The following RNLS variants were observed in gnomAD, a reference collection of about 807,000 sequenced individuals.
The protein encoded by RNLS is renalase, FAD dependent amine oxidase.
Under a neutral mutation model 39.8 loss-of-function variants are expected in RNLS, and 39 were observed. The observed-to-expected ratio is 0.98, with a 90% CI of 0.76 to 1.28. The LOEUF (loss-of-function observed/expected upper bound fraction) is 1.28, where lower values mean the gene tolerates loss of function less well. Among genes scored for constraint, RNLS ranks in the 50% most tolerant of loss-of-function variants. The pLI is 0.00. For synonymous variants in RNLS, 147 were observed against 150.7 expected, an observed-to-expected ratio of 0.98 and a Z score of 0.18; for missense variants, 410 against 413.3, an observed-to-expected ratio of 0.99 and a Z score of 0.07.
the RNLS span, among the ~76,000 whole-genome samples, chr10:88,206,818 C>G: frequency 6.6e-6 from 1 of 151,854 alleles, no homozygotes; most frequent in African/African-American, 2.4e-5. Flanking sequence ...AAAAAGAAGG[C>G]CTTTTTTTTG....
chr10:88,229,886 A>G, the RNLS span, among the ~76,000 whole-genome samples: 1 of 152,052 alleles, frequency 6.6e-6, no homozygotes, highest in Non-Finnish European at 1.5e-5. Context: ...TTGTGTGGAT[A>G]TGCCACATTC....
chr10:88,382,245 A>C (rs1270225810), intron 4 of RNLS, among the ~76,000 whole-genome samples: 2 of 152,108 alleles, frequency 1.3e-5, no homozygotes, highest in African/African-American at 4.8e-5. Flanking sequence ...TTCAAATGAC[A>C]GGTACAGTGG....
At chr10:88,489,313 A>T (rs879695740) in intron 4 of RNLS, among the ~76,000 whole-genome samples, 3 of 152,152 alleles carry the variant, frequency 2.0e-5, no homozygotes, top group Non-Finnish European at 2.9e-5. Context: ...ATTGCTTCTG[A>T]GAGGACTGCT....
the RNLS span, among the ~76,000 whole-genome samples, chr10:88,232,582 T>C: frequency 1.3e-5 from 2 of 152,178 alleles, no homozygotes; most frequent in African/African-American, 4.8e-5. Flanking sequence ...CCCAGCTTCT[T>C]ACTTCCACTT....
chr10:88,173,806 T>C, the RNLS span, among the ~76,000 whole-genome samples: 1 of 152,118 alleles, frequency 6.6e-6, no homozygotes, highest in Non-Finnish European at 1.5e-5. Context: ...TAAAAAAAAA[T>C]TATGTCCATA....
intron 4 of RNLS, among the ~76,000 whole-genome samples, chr10:88,545,796 T>C (rs1468897145): frequency 6.6e-6 from 1 of 152,226 alleles, no homozygotes; most frequent in African/African-American, 2.4e-5. Flanking sequence ...GTTTCTGCCA[T>C]ATCTATGTAT....
intron 5 of RNLS, among the ~76,000 whole-genome samples, chr10:88,325,724 A>G (rs1024544613): frequency 1.3e-5 from 2 of 152,092 alleles, no homozygotes; most frequent in African/African-American, 4.8e-5. Context: ...ATTCTATCTC[A>G]ATTGTGTTGG....
At chr10:88,296,002 T>C (rs1036453004) in intron 6 of RNLS, among the ~76,000 whole-genome samples, 3 of 152,184 alleles carry the variant, frequency 2.0e-5, no homozygotes, top group Non-Finnish European at 4.4e-5. Context: ...TACATTATCC[T>C]TTAGAGTTTT....
At chr10:88,225,915 AT>A in the RNLS span, among the ~76,000 whole-genome samples, 50 of 150,454 alleles carry the variant, frequency 3.3e-4, no homozygotes, top group Non-Finnish European at 4.0e-4. Context: ...TCAGTGTCCT[AT>A]TTTTTTTTTC....
rs767711360 is a variant in RNLS at position 88,285,372 on chromosome 10, A to C, written c.1011T>G (p.Ala337=). 4.3e-6 allele frequency: 7 copies of C among 1,611,874 alleles called. No individual in the cohort carries two copies. The African/African-American group carries it at 9.4e-5, about 22-fold the overall frequency. The change falls in exon 7 of 7, where the codon GCT becomes GCG. Residue 337 remains alanine (A), a synonymous_variant. Coordinates refer to ENST00000331772, the MANE Select transcript of RNLS (RefSeq NM_001031709.3). ...CITSALCVLE[A]LKNYI is the part of the protein sequence containing the mutation. Reference sequence around the variant, plus strand: ...ATAGGCACTAAATATAATTCTTTAAAGCTTCCAGAACACATAGGGCAGAAG... The same window carrying C: ...ATAGGCACTAAATATAATTCTTTAACGCTTCCAGAACACATAGGGCAGAAG...
At chr10:88,227,892 C>G in the RNLS span, among the ~76,000 whole-genome samples, 1 of 152,156 alleles carries the variant, frequency 6.6e-6, no homozygotes, top group Admixed American at 6.6e-5. Flanking sequence ...ATTCCAAATT[C>G]CAGCCTCTGC....
At chr10:88,274,655 G>T in exon 7 of RNLS, 2 of 294,920 alleles carry the variant, frequency 6.8e-6, no homozygotes, top group Non-Finnish European at 1.3e-5. Flanking sequence ...GTGAACATTG[G>T]TGTACAAATG....
At chr10:88,428,017 G>A (rs1854902625) in intron 4 of RNLS, among the ~76,000 whole-genome samples, 1 of 151,818 alleles carries the variant, frequency 6.6e-6, no homozygotes, top group Non-Finnish European at 1.5e-5. Flanking sequence ...TTGTTATGAA[G>A]ACTGGACATA....
At chr10:88,469,872 C>G (rs1843420088) in intron 4 of RNLS, among the ~76,000 whole-genome samples, 1 of 149,502 alleles carries the variant, frequency 6.7e-6, no homozygotes, top group Non-Finnish European at 1.5e-5. Context: ...CTTTGCTCCA[C>G]TTTCTAAATT....
In RNLS at chr10:88,572,984, C is replaced by T. The variant is rs1284961029; in HGVS notation, c.445G>A (p.Gly149Ser). The T allele has an allele frequency of 6.2e-7, 1 of 1,613,938 alleles. No individual in the cohort carries two copies. The highest frequency in any genetic ancestry group is 8.5e-7 in the Non-Finnish European group (1 of 1,179,944). The part of the protein sequence containing the change: ...DDKWEVSKQT[G>S]SPEQFDLIVL... ...ATAAGATCAAACTGCTCAGGGGAGCCTGTTTGTTTGGATACTTCCCATTTG... is the reference window on the plus strand; with the variant it reads ...ATAAGATCAAACTGCTCAGGGGAGCTTGTTTGTTTGGATACTTCCCATTTG... Residue 149 changes from glycine (G) to serine (S), a missense_variant, in exon 4 of 7, where the codon GGC becomes AGC. By Grantham distance (56) the Gly-to-Ser change is moderately conservative. Transcript: ENST00000331772.
chr10:88,561,867 T>C (rs1411287758), intron 4 of RNLS, among the ~76,000 whole-genome samples: 7 of 152,112 alleles, frequency 4.6e-5, no homozygotes, highest in Non-Finnish European at 8.8e-5. Context: ...AAAGTAAGCA[T>C]AGGACATGAC....
At chr10:88,497,708 G>A (rs1845251256) in intron 4 of RNLS, among the ~76,000 whole-genome samples, 1 of 151,938 alleles carries the variant, frequency 6.6e-6, no homozygotes, top group Admixed American at 6.6e-5. Context: ...CTAGGACAAA[G>A]CAGAAATGTC....
In RNLS at chr10:88,583,116, G is replaced by C. The variant is rs753517749; in HGVS notation, c.75C>G (p.Ser25=). ...LCAALLRRQT[S]GPLYLAVWDK... Reference sequence around the variant, plus strand: ...CCCACACAGCAAGGTACAAGGGACCGGACGTCTGCCTCCTCAGCAGCGCAG... The same window carrying C: ...CCCACACAGCAAGGTACAAGGGACCCGACGTCTGCCTCCTCAGCAGCGCAG... Residue 25 remains serine, a synonymous_variant, in exon 1 of 7, where the codon TCC becomes TCG. Coordinates refer to ENST00000331772, the MANE Select transcript of RNLS (RefSeq NM_001031709.3). 6.2e-7 allele frequency: 1 copy of C among 1,614,114 alleles called. No individual in the cohort carries two copies. Among genetic ancestry groups the C allele is most frequent in the Non-Finnish European group, 8.5e-7 (1 of 1,179,960 alleles).
the RNLS span, among the ~76,000 whole-genome samples, chr10:88,246,154 G>A: frequency 2.0e-5 from 3 of 152,116 alleles, no homozygotes; most frequent in Non-Finnish European, 4.4e-5. Flanking sequence ...AGTGCAAAGC[G>A]GCTTCCTCAC....
Sources: allele counts gnomAD v4.1 joint callset (sites outside exome capture counted in the v4.1 genomes callset), GRCh38; gene constraint gnomAD v4.1.1; transcripts MANE v1.5; gene names NCBI Gene and HGNC (gene_info 2026-07-23, HGNC 2026-07-21).